The following SLC4A5 variants were observed in gnomAD, a reference collection of about 807,000 sequenced individuals.
SLC4A5 encodes the protein solute carrier family 4 member 5, also known as electrogenic sodium bicarbonate cotransporter 4.
SLC4A5 carries 96 observed loss-of-function variants against 120.4 expected under a neutral mutation model. The ratio of observed to expected loss-of-function variants is 0.80; its 90% CI spans 0.68 to 0.94. The LOEUF (loss-of-function observed/expected upper bound fraction) is 0.94. Among genes scored for constraint, SLC4A5 ranks in the 40% least tolerant of loss-of-function variants. SLC4A5 has a pLI of 0.00. For missense variants in SLC4A5, 1,259 were observed against 1,459.5 expected, an observed-to-expected ratio of 0.86 and a Z score of 2.24; for synonymous variants, 550 against 571.1, an observed-to-expected ratio of 0.96 and a Z score of 0.53.
intron 16 of SLC4A5, 198 bp from the exon 17 acceptor site, chr2:74,250,715 A>G (rs935046254): frequency 3.5e-5 from 21 of 599,544 alleles, no homozygotes; most frequent in Non-Finnish European, 5.2e-5. Context: ...CACCACCCAC[A>G]TTGGGAAGGG....
chr2:74,261,392 T>C (rs1320455374), intron 11 of SLC4A5, among the ~76,000 whole-genome samples: 2 of 152,222 alleles, frequency 1.3e-5, no homozygotes, highest in African/African-American at 4.8e-5. Context: ...ATGCCTGCTG[T>C]GCCCAAGGCC....
intron 19 of SLC4A5, among the ~76,000 whole-genome samples, chr2:74,245,579 G>C (rs1373067173): frequency 6.6e-6 from 1 of 152,078 alleles, no homozygotes; most frequent in East Asian, 1.9e-4. Context: ...TCAGAACAAA[G>C]GGTAGCATCA....
At chr2:74,235,331 G>C in intron 21 of SLC4A5, 117 bp from the exon 22 acceptor site, 1 of 681,992 alleles carries the variant, frequency 1.5e-6, no homozygotes. Context: ...TCTGAAGGCA[G>C]CAGAACTAGG....
intron 25 of SLC4A5, 36 bp from the exon 26 acceptor site, chr2:74,227,914 C>A: frequency 6.5e-7 from 1 of 1,542,178 alleles, no homozygotes; most frequent in Non-Finnish European, 8.7e-7. Context: ...CGGCCTCTGC[C>A]TGGGGCGGCC....
chr2:74,285,956 C>A (rs1671968880), intron 7 of SLC4A5, 54 bp from the exon 8 acceptor site: 1 of 1,512,236 alleles, frequency 6.6e-7, no homozygotes, highest in South Asian at 1.2e-5. Flanking sequence ...GCAGGAGGAC[C>A]ACAAGGCCAA....
chr2:74,239,113 G>A (rs1573014451), intron 21 of SLC4A5, among the ~76,000 whole-genome samples: 1 of 152,176 alleles, frequency 6.6e-6, no homozygotes, highest in African/African-American at 2.4e-5. Context: ...AACACAATGA[G>A]ATACTACTAT....
chr2:74,289,719 T>C (rs76061464), intron 7 of SLC4A5, among the ~76,000 whole-genome samples: 168 of 152,272 alleles, frequency 1.1e-3, no homozygotes, highest in African/African-American at 3.9e-3. Flanking sequence ...AAACCAACAA[T>C]TGAGAAAATA....
At chr2:74,331,265 TG>T (rs1369266353) in intron 4 of SLC4A5, among the ~76,000 whole-genome samples, 1 of 151,008 alleles carries the variant, frequency 6.6e-6, no homozygotes, top group Non-Finnish European at 1.5e-5. Flanking sequence ...GAGGTCTAGA[TG>T]GAGGTGGTAA....
chr2:74,306,837 T>A (rs1672660307), intron 6 of SLC4A5: 1 of 651,606 alleles, frequency 1.5e-6, no homozygotes, highest in South Asian at 1.4e-5. Flanking sequence ...GTCCAGGGCA[T>A]CACCAAGATT....
intron 19 of SLC4A5, among the ~76,000 whole-genome samples, chr2:74,244,840 A>G (rs901050258): frequency 1.3e-5 from 2 of 152,238 alleles, no homozygotes; most frequent in Non-Finnish European, 2.9e-5. Flanking sequence ...CGACATTTTG[A>G]GAACCATGAC....
chr2:74,271,837 C>T (rs903553100), intron 8 of SLC4A5, among the ~76,000 whole-genome samples: 4 of 152,032 alleles, frequency 2.6e-5, no homozygotes, highest in Non-Finnish European at 4.4e-5. Flanking sequence ...GTGGCTCACA[C>T]TTGTAATCCC....
chr2:74,289,564 G>C (rs768654995), intron 7 of SLC4A5, among the ~76,000 whole-genome samples: 68 of 152,210 alleles, frequency 4.5e-4, no homozygotes, highest in Non-Finnish European at 8.1e-4. Flanking sequence ...AAATCCACCT[G>C]CTTCAGCCTC....
intron 3 of SLC4A5, among the ~76,000 whole-genome samples, chr2:74,334,828 G>A (rs1432967179): frequency 1.3e-5 from 2 of 151,886 alleles, no homozygotes; most frequent in African/African-American, 4.8e-5. Context: ...GAAACCTTAG[G>A]TCAATGTCTG....
exon 16 of SLC4A5, chr2:74,252,373 G>A: frequency 6.2e-7 from 1 of 1,613,046 alleles, no homozygotes; most frequent in Non-Finnish European, 8.5e-7. Flanking sequence ...GCTCTGCTAG[G>A]GAGAACACAG....
chr2:74,276,026 C>A (rs1671628105), intron 8 of SLC4A5, among the ~76,000 whole-genome samples: 1 of 152,184 alleles, frequency 6.6e-6, no homozygotes, highest in African/African-American at 2.4e-5. Context: ...AATATCATGT[C>A]TCATGGGCTC....
exon 21 of SLC4A5, chr2:74,239,408 A>G (rs1468156619): frequency 3.1e-6 from 5 of 1,614,194 alleles, no homozygotes; most frequent in Middle Eastern, 1.6e-4. Flanking sequence ...AAAGAAAAGG[A>G]TGAAGGACAT....
chr2:74,290,622 T>TGAGA (rs151284937), intron 7 of SLC4A5: 17,230 of 883,900 alleles, frequency 0.019, 356 homozygotes, highest in African/African-American at 0.14. Flanking sequence ...GACAGAGAAG[T>TGAGA]GAGAGAGAGA....
chr2:74,262,024 G>T, intron 11 of SLC4A5, 113 bp downstream of exon 11: 1 of 950,538 alleles, frequency 1.1e-6, no homozygotes, highest in Non-Finnish European at 1.6e-6. Context: ...TGCATGCCCT[G>T]AGAATTCTTG....
intron 8 of SLC4A5, among the ~76,000 whole-genome samples, chr2:74,265,878 T>G (rs1053500016): frequency 1.3e-5 from 2 of 152,028 alleles, no homozygotes; most frequent in Non-Finnish European, 2.9e-5. Context: ...ATCTGTCCTT[T>G]CTAGAAGACT....
Sources: allele counts gnomAD v4.1 joint callset (sites outside exome capture counted in the v4.1 genomes callset), GRCh38; gene constraint gnomAD v4.1.1; transcripts MANE v1.5; gene names NCBI Gene and HGNC (gene_info 2026-07-23, HGNC 2026-07-21).